Variants in NRG1 observed in about 807,000 individuals in gnomAD.
The protein encoded by NRG1 is pro-neuregulin-1, membrane-bound isoform.
NRG1 carries 18 observed loss-of-function variants against 63.8 expected under a neutral mutation model. The observed-to-expected ratio is 0.28, with a 90% CI of 0.19 to 0.42. NRG1 has a LOEUF of 0.42. Among genes scored for constraint, NRG1 ranks in the 10% least tolerant of loss-of-function variants. NRG1 has a pLI of 1.00. For missense variants in NRG1, 762 were observed against 814.7 expected (o/e 0.94, Z 0.79); for synonymous variants, 302 against 301.3 (o/e 1.00, Z -0.02).
At chr8:31,919,980 T>C (rs979866257) in intron 1 of NRG1, among the ~76,000 whole-genome samples, 1 of 152,168 alleles carries the variant, frequency 6.6e-6, no homozygotes, top group African/African-American at 2.4e-5. Flanking sequence ...CCCACAGATT[T>C]TTTGTCTTAT....
At chr8:32,417,922 AT>A (rs1180909753) in intron 1 of NRG1, among the ~76,000 whole-genome samples, 14 of 152,170 alleles carry the variant, frequency 9.2e-5, no homozygotes, top group South Asian at 4.1e-4. Flanking sequence ...TTAATCACTT[AT>A]TTTTTATGCA....
chr8:32,218,154 A>G (rs1845441145), intron 1 of NRG1, among the ~76,000 whole-genome samples: 1 of 152,194 alleles, frequency 6.6e-6, no homozygotes, highest in African/African-American at 2.4e-5. Context: ...CTCCTTACAT[A>G]TTTTAAGTTT....
intron 1 of NRG1, among the ~76,000 whole-genome samples, chr8:32,047,105 C>A (rs1044157147): frequency 2.6e-5 from 4 of 151,880 alleles, no homozygotes; most frequent in African/African-American, 9.7e-5. Context: ...TTTAGTTTTT[C>A]TCTATTCCCT....
At chr8:31,689,151 GT>G (rs1271535432) in intron 1 of NRG1, among the ~76,000 whole-genome samples, 3 of 152,104 alleles carry the variant, frequency 2.0e-5, no homozygotes, top group Non-Finnish European at 4.4e-5. Flanking sequence ...TAATTTCCTT[GT>G]TTTAAGGTCA....
intron 1 of NRG1, among the ~76,000 whole-genome samples, chr8:31,885,009 G>A (rs1830614626): frequency 6.6e-6 from 1 of 152,114 alleles, no homozygotes; most frequent in Non-Finnish European, 1.5e-5. Flanking sequence ...TGGGTATGGA[G>A]TTTTTCAGTG....
At chr8:31,824,237 A>T (rs528320211) in intron 1 of NRG1, among the ~76,000 whole-genome samples, 17 of 127,850 alleles carry the variant, frequency 1.3e-4, no homozygotes, top group Non-Finnish European at 2.2e-4. Flanking sequence ...AAGTGTTCTC[A>T]CTGTTCAATT....
intron 1 of NRG1, among the ~76,000 whole-genome samples, chr8:31,819,638 A>G (rs1823811729): frequency 6.6e-6 from 1 of 152,180 alleles, no homozygotes; most frequent in Admixed American, 6.5e-5. Flanking sequence ...GTGAACTATG[A>G]ATTAGGAACC....
chr8:31,780,829 C>G (rs778448189), intron 1 of NRG1, among the ~76,000 whole-genome samples: 20 of 152,126 alleles, frequency 1.3e-4, no homozygotes, highest in Admixed American at 2.0e-4. Flanking sequence ...GTTTTCTCTG[C>G]CACCACAGAG....
intron 1 of NRG1, among the ~76,000 whole-genome samples, chr8:32,292,645 T>C (rs1854339665): frequency 6.6e-6 from 1 of 152,222 alleles, no homozygotes; most frequent in African/African-American, 2.4e-5. Context: ...GAAAAATATT[T>C]GAGAACTTTA....
intron 1 of NRG1, among the ~76,000 whole-genome samples, chr8:31,972,415 TCTTGGCA>T (rs1283113712): frequency 6.6e-6 from 1 of 152,206 alleles, no homozygotes; most frequent in Non-Finnish European, 1.5e-5. Flanking sequence ...GAATCTACTT[TCTTGGCA>T]CTTGTTACTA....
At chr8:32,066,337 T>G (rs1824812372) in intron 1 of NRG1, among the ~76,000 whole-genome samples, 1 of 152,218 alleles carries the variant, frequency 6.6e-6, no homozygotes, top group Non-Finnish European at 1.5e-5. Flanking sequence ...ATTTAAGTCT[T>G]TAATCCATGT....
chr8:32,556,214 A>G (rs1835146717), intron 1 of NRG1, among the ~76,000 whole-genome samples: 1 of 152,248 alleles, frequency 6.6e-6, no homozygotes, highest in South Asian at 2.1e-4. Context: ...TTAAGTAATA[A>G]TGACAACTTT....
chr8:32,317,084 A>G (rs1208313204), intron 1 of NRG1, among the ~76,000 whole-genome samples: 1 of 151,914 alleles, frequency 6.6e-6, no homozygotes, highest in Non-Finnish European at 1.5e-5. Flanking sequence ...TAGACTAGAT[A>G]TTATTTTTTG....
intron 5 of NRG1, among the ~76,000 whole-genome samples, chr8:32,668,977 A>T (rs969898602): frequency 4.6e-5 from 7 of 152,164 alleles, no homozygotes; most frequent in Non-Finnish European, 8.8e-5. Flanking sequence ...TGTTCTCTTT[A>T]ATATAGGAAT....
chr8:32,238,334 C>T (rs991186260), intron 1 of NRG1, among the ~76,000 whole-genome samples: 2 of 151,614 alleles, frequency 1.3e-5, no homozygotes, highest in African/African-American at 4.8e-5. Context: ...TGACATGCAC[C>T]TATAGTCCCA....
intron 1 of NRG1, among the ~76,000 whole-genome samples, chr8:31,955,827 A>G (rs1227141684): frequency 6.6e-6 from 1 of 151,926 alleles, no homozygotes; most frequent in African/African-American, 2.4e-5. Context: ...CCTTGAGCCC[A>G]GGAGTTCGAG....
chr8:32,281,872 T>G (rs1852898356), intron 1 of NRG1, among the ~76,000 whole-genome samples: 1 of 152,168 alleles, frequency 6.6e-6, no homozygotes, highest in African/African-American at 2.4e-5. Context: ...TTTACCATAA[T>G]ACAAAATTGG....
At chr8:32,025,460 G>A (rs1408823002) in intron 1 of NRG1, among the ~76,000 whole-genome samples, 2 of 152,166 alleles carry the variant, frequency 1.3e-5, no homozygotes, top group Non-Finnish European at 2.9e-5. Context: ...TAAGATCATA[G>A]TATAATTGAT....
At chr8:32,254,754 C>G (rs1013896889) in intron 1 of NRG1, among the ~76,000 whole-genome samples, 4 of 152,132 alleles carry the variant, frequency 2.6e-5, no homozygotes, top group African/African-American at 7.2e-5. Flanking sequence ...GTTGATCTGT[C>G]TAATGTTGAC....
Sources: allele counts gnomAD v4.1 joint callset (sites outside exome capture counted in the v4.1 genomes callset), GRCh38; gene constraint gnomAD v4.1.1; transcripts MANE v1.5; gene names NCBI Gene and HGNC (gene_info 2026-07-23, HGNC 2026-07-21).